The following ZNF469 variants were observed in gnomAD, a reference collection of about 807,000 sequenced individuals.
The protein encoded by ZNF469 is zinc finger protein 469.
Under a neutral mutation model 1.0 loss-of-function variants are expected in ZNF469, and 1 was observed. That is an observed-to-expected ratio of 1.00 (90% CI 0.35 to 4.73). ZNF469 has a LOEUF of 4.73. ZNF469 is among the 30% of genes most tolerant of loss of function. The probability of loss-of-function intolerance (pLI) is 0.16; values close to 1 mark genes in which losing one functional copy is unlikely to be tolerated. For missense variants in ZNF469, 6,100 were observed against 5,356.3 expected (o/e 1.14, Z -4.33); for synonymous variants, 2,703 against 2,363.4 (o/e 1.14, Z -4.17).
chr16:88,192,937 A>T, the ZNF469 span, among the ~76,000 whole-genome samples: 3 of 123,732 alleles, frequency 2.4e-5, no homozygotes, highest in Admixed American at 8.0e-5. Flanking sequence ...GGTGATAGTG[A>T]TGATGGTGAT....
Position 88,428,412 on chromosome 16 carries a change from G to A in ZNF469, c.942G>A (p.Pro314=), listed in dbSNP as rs767588443. The A allele has an allele frequency of 3.6e-5, 56 of 1,548,094 alleles. 1 individual carries two copies. The East Asian group carries it at 4.6e-4, about 13-fold the overall frequency. ...TCCATCAGCCCCAGGGAGCGTGGCC[G>A]GAGGAGGCCGTGGGCACGGGCCCTG... is the stretch of plus-strand genomic sequence containing the variant. ...FAFHQPQGAW[P]EEAVGTGPAY... is the part of the protein sequence containing the mutation. The change falls in exon 3 of 3, where the codon CCG becomes CCA. Residue 314 remains proline (P), a synonymous_variant. Coordinates refer to ENST00000565624, the MANE Select transcript of ZNF469 (RefSeq NM_001367624.2).
the ZNF469 span, among the ~76,000 whole-genome samples, chr16:88,156,743 A>G: frequency 6.6e-6 from 1 of 152,012 alleles, no homozygotes; most frequent in East Asian, 1.9e-4. Flanking sequence ...TCCTGGAGGG[A>G]CTTGAGGTGC....
the ZNF469 span, among the ~76,000 whole-genome samples, chr16:88,102,205 T>C: frequency 1.3e-5 from 2 of 152,228 alleles, no homozygotes; most frequent in South Asian, 2.1e-4. Context: ...GTCGGTGGCT[T>C]TTTGGATAAA....
chr16:88,299,176 T>G, the ZNF469 span, among the ~76,000 whole-genome samples: 2 of 22,752 alleles, frequency 8.8e-5, no homozygotes, highest in African/African-American at 1.7e-4. Flanking sequence ...GGAGGCAGCT[T>G]GGGTGGGGAG....
the ZNF469 span, among the ~76,000 whole-genome samples, chr16:88,231,420 G>C: frequency 1.3e-5 from 2 of 152,360 alleles, no homozygotes; most frequent in East Asian, 3.9e-4. The surrounding 1 kb of genome is among the most constrained non-coding windows in gnomAD (Gnocchi z 4.5). Context: ...ACAGAGGACA[G>C]GTGTGTCAGT....
Position 88,429,327 on chromosome 16 carries a change from C to T in ZNF469, c.1857C>T (p.Ser619=), listed in dbSNP as rs1416929925. 3.9e-6 allele frequency: 6 copies of T among 1,549,972 alleles called. No individual in the cohort carries two copies. The highest frequency in any genetic ancestry group is 5.2e-6 in the Non-Finnish European group (6 of 1,146,862). Residue 619 remains serine (S), a synonymous_variant, in exon 3 of 3, where the codon AGC becomes AGT. Coordinates refer to ENST00000565624, the MANE Select transcript of ZNF469 (RefSeq NM_001367624.2). ...TGTCCAGCAGCCCAGCCAACCCCAG[C>T]TCAGAGGAAAGCCAGCTCCCCGGCC... ...SPMSSSPANP[S]SEESQLPGPL... is the part of the protein sequence containing the mutation.
At chr16:88,332,838 C>T in the ZNF469 span, among the ~76,000 whole-genome samples, 1 of 152,242 alleles carries the variant, frequency 6.6e-6, no homozygotes, top group Non-Finnish European at 1.5e-5. Context: ...AGCCTCCTCA[C>T]CGTTTCACAG....
At chr16:88,248,364 G>A in the ZNF469 span, among the ~76,000 whole-genome samples, 36,142 of 151,974 alleles carry the variant, frequency 0.24, 4,486 homozygotes, top group South Asian at 0.45. Context: ...GCAGACATTC[G>A]GGGACTGAAA....
the ZNF469 span, among the ~76,000 whole-genome samples, chr16:88,130,686 A>C: frequency 3.3e-3 from 478 of 143,412 alleles, no homozygotes; most frequent in Non-Finnish European, 4.7e-3. Flanking sequence ...AGCCTGGGCC[A>C]CAAGAGTGAA....
chr16:88,214,472 G>GTT, the ZNF469 span, among the ~76,000 whole-genome samples: 48,306 of 148,548 alleles, frequency 0.33, 8,079 homozygotes, highest in Non-Finnish European at 0.35. Context: ...GTTCTTTTGA[G>GTT]TTTTTTTTTT....
At chr16:88,345,418 G>A in the ZNF469 span, among the ~76,000 whole-genome samples, 1 of 152,322 alleles carries the variant, frequency 6.6e-6, no homozygotes, top group East Asian at 1.9e-4. Context: ...TGTGGCCCAG[G>A]GCTTCCTTAT....
At chr16:88,391,279 C>T (rs889181965) in intron 1 of ZNF469, among the ~76,000 whole-genome samples, 3 of 152,226 alleles carry the variant, frequency 2.0e-5, no homozygotes, top group Non-Finnish European at 4.4e-5. Context: ...AGGAAAGAGC[C>T]GGGCAGCACA....
the ZNF469 span, among the ~76,000 whole-genome samples, chr16:88,356,637 C>G: frequency 5.3e-5 from 8 of 152,314 alleles, no homozygotes; most frequent in East Asian, 1.5e-3. Flanking sequence ...CTCAGAAGGT[C>G]CTCCAAGGCC....
the ZNF469 span, among the ~76,000 whole-genome samples, chr16:88,104,239 A>G: frequency 1.7e-5 from 2 of 120,092 alleles, no homozygotes; most frequent in Non-Finnish European, 3.6e-5. Context: ...TGCCTCCCAG[A>G]CGGTATCTTA....
At chr16:88,407,950 A>G (rs1905061986) in intron 1 of ZNF469, among the ~76,000 whole-genome samples, 1 of 152,236 alleles carries the variant, frequency 6.6e-6, no homozygotes. Context: ...ACGTGAGTGC[A>G]TGCATCTGAC....
chr16:88,428,310 G>A lies in ZNF469; in HGVS notation c.840G>A (p.Leu280=). 1 of 1,550,222 alleles carries A rather than the reference G, an allele frequency of 6.5e-7. No individual in the cohort carries two copies. Among genetic ancestry groups the A allele is most frequent in the Non-Finnish European group, 8.7e-7 (1 of 1,146,926 alleles). Residue 280 remains leucine (L), a synonymous_variant, in exon 3 of 3, where the codon CTG becomes CTA. Transcript: ENST00000565624. ...GVSFQFPFPA[L]HGASTKPFPA... is the part of the protein sequence containing the mutation. ...CCTTCCAGTTCCCCTTCCCGGCACT[G>A]CATGGGGCCAGCACAAAACCCTTCC...
At chr16:88,349,017 C>T in the ZNF469 span, among the ~76,000 whole-genome samples, 6 of 152,206 alleles carry the variant, frequency 3.9e-5, no homozygotes, top group Non-Finnish European at 8.8e-5. Flanking sequence ...CCACGCAGGC[C>T]CCAAGCCGAC....
the ZNF469 span, among the ~76,000 whole-genome samples, chr16:88,105,755 GT>G: frequency 6.6e-6 from 1 of 152,252 alleles, no homozygotes; most frequent in Non-Finnish European, 1.5e-5. Context: ...GAGCTCGGTA[GT>G]TGATTGATGA....
At chr16:88,111,602 G>T in the ZNF469 span, among the ~76,000 whole-genome samples, 1 of 151,854 alleles carries the variant, frequency 6.6e-6, no homozygotes, top group Non-Finnish European at 1.5e-5. Context: ...TTGATTTTTA[G>T]CTCCCACGAA....
Sources: allele counts gnomAD v4.1 joint callset (sites outside exome capture counted in the v4.1 genomes callset), GRCh38; gene constraint gnomAD v4.1.1; non-coding constraint Gnocchi (gnomAD v3.1); transcripts MANE v1.5; gene names NCBI Gene and HGNC (gene_info 2026-07-23, HGNC 2026-07-21).